The following CNTN5 variants were observed in gnomAD, a reference collection of about 807,000 sequenced individuals.
CNTN5 encodes the protein contactin 5, also known as contactin-5.
A neutral mutation model predicts 129.1 loss-of-function variants in CNTN5; 77 were observed. The observed-to-expected ratio is 0.60, with a 90% CI of 0.50 to 0.72. The LOEUF (loss-of-function observed/expected upper bound fraction) is 0.72. Ranked by LOEUF, CNTN5 falls within the 30% of genes least tolerant of loss-of-function variation. The pLI, the probability that CNTN5 is intolerant of heterozygous loss-of-function variation, is 0.00. For missense variants in CNTN5, 1,478 were observed against 1,328.8 expected, an observed-to-expected ratio of 1.11 and a Z score of -1.75; for synonymous variants, 509 against 465.6, an observed-to-expected ratio of 1.09 and a Z score of -1.20.
At chr11:99,027,215 C>T (rs117316796) in intron 1 of CNTN5, among the ~76,000 whole-genome samples, 2 of 151,512 alleles carry the variant, frequency 1.3e-5, no homozygotes, top group East Asian at 3.9e-4. Context: ...AGGGAACATC[C>T]ATTTGCCCTA....
intron 3 of CNTN5, among the ~76,000 whole-genome samples, chr11:99,658,603 G>T (rs892487204): frequency 1.3e-5 from 2 of 151,798 alleles, no homozygotes; most frequent in African/African-American, 4.8e-5. Flanking sequence ...CTAGCGCAGA[G>T]GCTCATGCCT....
intron 1 of CNTN5, among the ~76,000 whole-genome samples, chr11:99,154,869 C>A (rs934189430): frequency 2.0e-5 from 3 of 152,110 alleles, no homozygotes; most frequent in Non-Finnish European, 4.4e-5. Context: ...CTGGTGGTCA[C>A]CCTCAGGCTA....
chr11:100,099,102 A>G (rs1945124433), intron 13 of CNTN5, among the ~76,000 whole-genome samples: 1 of 152,062 alleles, frequency 6.6e-6, no homozygotes, highest in Non-Finnish European at 1.5e-5. Context: ...TTTGTAAACA[A>G]TTTACAAATT....
rs187868486 is a variant in CNTN5, at chr11:99,952,663, C to T, written c.674-4143C>T. Among the ~76,000 whole-genome samples the T allele has an allele frequency of 4.6e-4, 70 of 152,032 alleles. 1 individual carries two copies. Among genetic ancestry groups the T allele is most frequent in the Admixed American group, 1.3e-3 (20 of 15,262 alleles). ...CCTCTCACCTCAGCCTCCCAAAGTG[C>T]GGGGATTACAGGCTTGGGCTGCTGT... On this transcript the variant is annotated intron_variant, in intron 7 of 24. Coordinates refer to ENST00000524871, the MANE Select transcript of CNTN5 (RefSeq NM_014361.4).
At chr11:99,114,256 A>G (rs1857934471) in intron 1 of CNTN5, among the ~76,000 whole-genome samples, 1 of 152,146 alleles carries the variant, frequency 6.6e-6, no homozygotes, top group Non-Finnish European at 1.5e-5. Context: ...CTCTGCTAAA[A>G]TTGGATTTAC....
chr11:100,133,526 T>C (rs1946436462), intron 13 of CNTN5, among the ~76,000 whole-genome samples: 1 of 152,006 alleles, frequency 6.6e-6, no homozygotes, highest in Non-Finnish European at 1.5e-5. Flanking sequence ...ACAAAGAAAA[T>C]ATAATTATAG....
At chr11:99,648,648 T>C (rs1167853453) in intron 3 of CNTN5, among the ~76,000 whole-genome samples, 3 of 151,816 alleles carry the variant, frequency 2.0e-5, no homozygotes, top group African/African-American at 7.2e-5. Flanking sequence ...ATAGCCAAAA[T>C]ATGGAATCAA....
chr11:99,734,897 A>G (rs1943650933), intron 3 of CNTN5, among the ~76,000 whole-genome samples: 2 of 152,204 alleles, frequency 1.3e-5, no homozygotes, highest in South Asian at 2.1e-4. Flanking sequence ...AGTCCCAGCT[A>G]CTAGGGAGGC....
chr11:99,379,887 T>TATG (rs765763403), intron 2 of CNTN5, among the ~76,000 whole-genome samples: 77 of 151,952 alleles, frequency 5.1e-4, no homozygotes, highest in Non-Finnish European at 8.2e-4. Context: ...TGTGAATACA[T>TATG]ATGTGCCATA....
chr11:99,236,699 G>C (rs941232360), intron 1 of CNTN5, among the ~76,000 whole-genome samples: 4 of 152,132 alleles, frequency 2.6e-5, no homozygotes, highest in African/African-American at 9.7e-5. Context: ...GTTCTGATAA[G>C]CATGGAGAGA....
intron 1 of CNTN5, among the ~76,000 whole-genome samples, chr11:99,134,888 T>C (rs985085729): frequency 1.3e-5 from 2 of 152,200 alleles, no homozygotes; most frequent in Non-Finnish European, 2.9e-5. Flanking sequence ...ACTGTAACTA[T>C]GTGAAGCTGT....
chr11:100,044,516 C>T (rs1188113719), intron 9 of CNTN5, among the ~76,000 whole-genome samples: 3 of 151,452 alleles, frequency 2.0e-5, no homozygotes, highest in Non-Finnish European at 4.4e-5. Context: ...TTTTAATAGC[C>T]ATTTTGACTA....
chr11:99,657,096 C>G (rs774318347), intron 3 of CNTN5, among the ~76,000 whole-genome samples: 3 of 151,176 alleles, frequency 2.0e-5, no homozygotes, highest in Non-Finnish European at 2.9e-5. Context: ...AAAAATAAAT[C>G]TAAGTACAGA....
At chr11:99,637,521 C>A (rs2135826520) in intron 3 of CNTN5, among the ~76,000 whole-genome samples, 1 of 151,954 alleles carries the variant, frequency 6.6e-6, no homozygotes, top group East Asian at 1.9e-4. Flanking sequence ...GAAGACTGTG[C>A]CAATTACTAA....
chr11:99,663,499 A>C (rs1952672729), intron 3 of CNTN5, among the ~76,000 whole-genome samples: 1 of 152,108 alleles, frequency 6.6e-6, no homozygotes, highest in Admixed American at 6.6e-5. Context: ...AAAAAGAAAC[A>C]AAAAGACACG....
At chr11:99,149,474 T>C (rs1042239403) in intron 1 of CNTN5, among the ~76,000 whole-genome samples, 3 of 152,162 alleles carry the variant, frequency 2.0e-5, no homozygotes, top group Non-Finnish European at 4.4e-5. Flanking sequence ...TAGAGGCTTA[T>C]TATTTTAGAA....
At chr11:99,399,154 G>GAA (rs11419896) in intron 2 of CNTN5, among the ~76,000 whole-genome samples, 149 of 147,870 alleles carry the variant, frequency 1.0e-3, no homozygotes, top group South Asian at 3.2e-3. Context: ...AGCATTTGTG[G>GAA]AATAAAAAAA....
At chr11:99,500,813 A>G (rs996523660) in intron 2 of CNTN5, among the ~76,000 whole-genome samples, 3 of 152,048 alleles carry the variant, frequency 2.0e-5, no homozygotes, top group African/African-American at 7.2e-5. Flanking sequence ...AGATTACTGA[A>G]CTGAAATTGA....
chr11:100,011,518 G>C (rs537774430), intron 9 of CNTN5, among the ~76,000 whole-genome samples: 54 of 152,124 alleles, frequency 3.5e-4, no homozygotes, highest in African/African-American at 1.2e-3. Flanking sequence ...GATCTGCTCT[G>C]CTCAAAAGGC....
Sources: gnomAD v4.1 joint callset for allele counts (sites outside exome capture counted in the v4.1 genomes callset) on GRCh38, gnomAD v4.1.1 for gene constraint, MANE v1.5 for transcripts, NCBI Gene and HGNC (gene_info 2026-07-23, HGNC 2026-07-21) for gene names.